The following PHF21A variants were observed in gnomAD, a reference collection of about 807,000 sequenced individuals.
PHF21A encodes PHD finger protein 21A.
A neutral mutation model predicts 82.5 loss-of-function variants in PHF21A; 11 were observed. The observed-to-expected ratio is 0.13, with a 90% confidence interval of 0.08 to 0.22. PHF21A has a LOEUF of 0.22. Among genes scored for constraint, PHF21A ranks in the 10% least tolerant of loss-of-function variants. The pLI, the probability that PHF21A is intolerant of heterozygous loss-of-function variation, is 1.00. For synonymous variants in PHF21A, 297 were observed against 302.8 expected, an observed-to-expected ratio of 0.98 and a Z score of 0.20; for missense variants, 579 against 837.8, an observed-to-expected ratio of 0.69 and a Z score of 3.81.
intron 14 of PHF21A, among the ~76,000 whole-genome samples, chr11:45,946,891 C>CTAT (rs2091382718): frequency 6.6e-6 from 1 of 152,160 alleles, no homozygotes; most frequent in South Asian, 2.1e-4. Flanking sequence ...GCTTTTAGAG[C>CTAT]TATTGAGAGG....
At chr11:46,018,233 G>C (rs1159115610) in intron 6 of PHF21A, among the ~76,000 whole-genome samples, 1 of 144,014 alleles carries the variant, frequency 6.9e-6, no homozygotes, top group South Asian at 2.2e-4. Flanking sequence ...CTGGGCGACA[G>C]AGCGAGACTC....
At chr11:45,957,455 A>C (rs2092723630) in intron 10 of PHF21A, among the ~76,000 whole-genome samples, 1 of 152,212 alleles carries the variant, frequency 6.6e-6, no homozygotes. Context: ...CACAATGGAA[A>C]AAAACTAGAA....
At chr11:45,987,481 G>GA (rs2094533541) in intron 6 of PHF21A, among the ~76,000 whole-genome samples, 1 of 151,398 alleles carries the variant, frequency 6.6e-6, no homozygotes, top group African/African-American at 2.4e-5. Context: ...CAAATATGGT[G>GA]AAACTCCGTC....
At chr11:46,089,285 G>A (rs1438061443) in intron 3 of PHF21A, among the ~76,000 whole-genome samples, 1 of 152,026 alleles carries the variant, frequency 6.6e-6, no homozygotes, top group African/African-American at 2.4e-5. Context: ...TTCCTACTAT[G>A]TATCTAATAT....
intron 1 of PHF21A, among the ~76,000 whole-genome samples, chr11:46,104,831 T>C (rs1297349363): frequency 6.6e-6 from 1 of 152,224 alleles, no homozygotes; most frequent in Non-Finnish European, 1.5e-5. Flanking sequence ...ACGTATGTGA[T>C]ACATCTTTAT....
chr11:45,942,607 A>C (rs950178898), intron 15 of PHF21A, among the ~76,000 whole-genome samples: 2 of 152,238 alleles, frequency 1.3e-5, no homozygotes, highest in Non-Finnish European at 2.9e-5. Context: ...CAAAATGCTG[A>C]ATCTTTAGAG....
intron 3 of PHF21A, among the ~76,000 whole-genome samples, chr11:46,090,249 A>T (rs2096908411): frequency 6.6e-6 from 1 of 152,178 alleles, no homozygotes; most frequent in Non-Finnish European, 1.5e-5. Flanking sequence ...ATATTTAATG[A>T]CTATTTAAAA....
intron 6 of PHF21A, among the ~76,000 whole-genome samples, chr11:46,063,343 T>C (rs1237928247): frequency 6.6e-6 from 1 of 152,178 alleles, no homozygotes; most frequent in Non-Finnish European, 1.5e-5. Context: ...GCCTCTCTGG[T>C]TAAATTTCTC....
At chr11:46,102,156 C>G (rs1336787360) in intron 1 of PHF21A, among the ~76,000 whole-genome samples, 1 of 151,728 alleles carries the variant, frequency 6.6e-6, no homozygotes, top group Non-Finnish European at 1.5e-5. Flanking sequence ...ACGCCTGTCC[C>G]TGTGCTGGTA....
chr11:45,956,421 A>G (rs2092643584), intron 10 of PHF21A, among the ~76,000 whole-genome samples: 1 of 152,188 alleles, frequency 6.6e-6, no homozygotes, highest in African/African-American at 2.4e-5. Flanking sequence ...AGAGCTGTAT[A>G]GGAGCAGAGC....
At chr11:46,007,188 C>T (rs1565505623) in intron 6 of PHF21A, among the ~76,000 whole-genome samples, 1 of 152,172 alleles carries the variant, frequency 6.6e-6, no homozygotes, top group Non-Finnish European at 1.5e-5. Flanking sequence ...CAAAAACATG[C>T]AAAGTGATAG....
At chr11:45,984,032 A>G (rs2094406501) in intron 6 of PHF21A, among the ~76,000 whole-genome samples, 1 of 152,186 alleles carries the variant, frequency 6.6e-6, no homozygotes, top group African/African-American at 2.4e-5. Context: ...TTCACATATA[A>G]TGGAGATCTT....
intron 6 of PHF21A, among the ~76,000 whole-genome samples, chr11:46,061,949 TG>T (rs1016728793): frequency 1.3e-4 from 20 of 152,320 alleles, no homozygotes; most frequent in African/African-American, 4.3e-4. Flanking sequence ...AGAGATGGGT[TG>T]GGTATAGAAT....
intron 6 of PHF21A, among the ~76,000 whole-genome samples, chr11:46,033,852 A>G (rs547566929): frequency 6.6e-6 from 1 of 152,276 alleles, no homozygotes; most frequent in South Asian, 2.1e-4. Flanking sequence ...TTCTATTTCT[A>G]TTGGACAGTG....
chr11:46,025,579 T>C (rs7950391), intron 6 of PHF21A, among the ~76,000 whole-genome samples: 50,612 of 152,044 alleles, frequency 0.33, 9,541 homozygotes, highest in East Asian at 0.8. Context: ...AAAATTCCAA[T>C]TTGATTATGC....
At chr11:45,954,349 G>T (rs992440400) in intron 10 of PHF21A, among the ~76,000 whole-genome samples, 1 of 152,086 alleles carries the variant, frequency 6.6e-6, no homozygotes, top group African/African-American at 2.4e-5. Context: ...CTTAAGATCA[G>T]AATGATGTTA....
chr11:45,950,726 C>T (rs919515398), intron 11 of PHF21A, among the ~76,000 whole-genome samples: 9 of 151,998 alleles, frequency 5.9e-5, no homozygotes, highest in East Asian at 1.9e-4. Flanking sequence ...TTGTGTGATC[C>T]GAGTGACCCG....
At chr11:45,957,423 C>A (rs573069498) in intron 10 of PHF21A, among the ~76,000 whole-genome samples, 1 of 151,996 alleles carries the variant, frequency 6.6e-6, no homozygotes, top group Non-Finnish European at 1.5e-5. Context: ...AGACTAGAAT[C>A]ACATAAAATC....
At chr11:46,120,823 G>A (rs1194626670) in intron 1 of PHF21A, 112 bp downstream of exon 1, 2 of 152,802 alleles carry the variant, frequency 1.3e-5, no homozygotes, top group African/African-American at 4.8e-5. Flanking sequence ...CAGAGGGAGA[G>A]AGGAGAGAGG....
Sources: gnomAD v4.1 joint callset for allele counts (sites outside exome capture counted in the v4.1 genomes callset) on GRCh38, gnomAD v4.1.1 for gene constraint, MANE v1.5 for transcripts, NCBI Gene and HGNC (gene_info 2026-07-23, HGNC 2026-07-21) for gene names.